HNRNPC: variants seen among roughly 807,000 people sequenced by gnomAD.
The protein encoded by HNRNPC is heterogeneous nuclear ribonucleoproteins C1/C2.
Under a neutral mutation model 33.2 loss-of-function variants are expected in HNRNPC, and 3 were observed. The ratio of observed to expected loss-of-function variants is 0.09; its 90% confidence interval spans 0.04 to 0.23. The LOEUF is 0.23. Among genes scored for constraint, HNRNPC ranks in the 10% least tolerant of loss-of-function variants. The probability of loss-of-function intolerance (pLI) is 1.00; values close to 1 mark genes in which losing one functional copy is unlikely to be tolerated. For missense variants in HNRNPC, 143 were observed against 366.7 expected (o/e 0.39, Z 4.98); for synonymous variants, 121 against 126.7 (o/e 0.96, Z 0.30).
At chr14:21,226,617 G>A (rs942440625) in intron 5 of HNRNPC, among the ~76,000 whole-genome samples, 19 of 152,194 alleles carry the variant, frequency 1.2e-4, no homozygotes, top group South Asian at 6.2e-4. Context: ...AGCACTTTGC[G>A]TGGCCAAGGC....
At chr14:21,260,960 C>CAAAAAAA (rs71112564) in intron 2 of HNRNPC, among the ~76,000 whole-genome samples, 1 of 88,520 alleles carries the variant, frequency 1.1e-5, no homozygotes, top group African/African-American at 4.2e-5. Context: ...GAGACTGTCT[C>CAAAAAAA]AAAAAAAAAA....
chr14:21,245,082 CTCAA>C (rs1566628641), intron 2 of HNRNPC, among the ~76,000 whole-genome samples: 1 of 82,356 alleles, frequency 1.2e-5, no homozygotes, highest in Non-Finnish European at 2.2e-5. Context: ...GAGACTCCAT[CTCAA>C]AAAAAAAAAA....
At chr14:21,249,427 A>T (rs1424317468) in intron 2 of HNRNPC, among the ~76,000 whole-genome samples, 1 of 151,296 alleles carries the variant, frequency 6.6e-6, no homozygotes, top group African/African-American at 2.4e-5. Flanking sequence ...ATACAAAAAA[A>T]AAAAAAAAAA....
chr14:21,211,989 T>C (rs1036778022), intron 6 of HNRNPC, 66 bp from the exon 7 acceptor site: 2 of 1,233,578 alleles, frequency 1.6e-6, no homozygotes, highest in Non-Finnish European at 1.2e-6. Flanking sequence ...GCAAATACAC[T>C]GCCACCAGAC....
chr14:21,234,303 TCA>T, intron 2 of HNRNPC, 74 bp from the exon 3 acceptor site: 1 of 1,305,498 alleles, frequency 7.7e-7, no homozygotes, highest in East Asian at 2.4e-5. Flanking sequence ...TTCTCCACTC[TCA>T]CTCTGAATCA....
At chr14:21,228,060 T>G (rs1293351174) in intron 5 of HNRNPC, among the ~76,000 whole-genome samples, 3 of 152,210 alleles carry the variant, frequency 2.0e-5, no homozygotes, top group African/African-American at 4.8e-5. Context: ...AGACCAGTTG[T>G]GTAAGAATCC....
chr14:21,247,082 G>GGT (rs1278702078), intron 2 of HNRNPC, among the ~76,000 whole-genome samples: 1 of 152,118 alleles, frequency 6.6e-6, no homozygotes, highest in Non-Finnish European at 1.5e-5. Flanking sequence ...TTTTTGAGGG[G>GGT]GTGCTGGCAG....
At position 21,210,877 on chromosome 14, in the gene HNRNPC, T is replaced by C. The variant is rs1891519519; in HGVS notation, c.*346A>G. 2 of 262,046 alleles carry C rather than the reference T, an allele frequency of 7.6e-6. No homozygotes were observed. The highest frequency in any genetic ancestry group is 1.5e-5 in the Non-Finnish European group (2 of 135,782). 16.2% of individuals were successfully genotyped at this position (262,046 alleles called of 1,614,324 possible). ...GTTAGGGAAGCAACTACTGAACTTA[T>C]GTATGAATGAAAAGAACTGTACTCC... On this transcript the variant is annotated 3_prime_UTR_variant, in exon 9 of 9. Transcript: ENST00000553300.
rs952523321 is a variant in HNRNPC at position 21,210,883 on chromosome 14, A to G, written c.*340T>C. The G allele has an allele frequency of 3.7e-6, 1 of 270,310 alleles. No homozygotes were observed. The highest frequency in any genetic ancestry group is 7.1e-6 in the Non-Finnish European group (1 of 141,166). The allele number at this position is 270,310 out of a possible 1,614,324, so 16.7% of individuals were successfully genotyped here. On this transcript the variant is annotated 3_prime_UTR_variant, in exon 9 of 9. Coordinates refer to ENST00000553300, the MANE Select transcript of HNRNPC (RefSeq NM_004500.4). ...GAAGCAACTACTGAACTTATGTATG[A>G]ATGAAAAGAACTGTACTCCCTGCAT... is the stretch of plus-strand genomic sequence containing the variant.
chr14:21,237,033 G>A (rs752809867), intron 2 of HNRNPC, among the ~76,000 whole-genome samples: 1 of 152,138 alleles, frequency 6.6e-6, no homozygotes, highest in Non-Finnish European at 1.5e-5. Context: ...AAAAGCAACA[G>A]GAACGAAATT....
intron 2 of HNRNPC, among the ~76,000 whole-genome samples, chr14:21,260,780 T>C (rs1878099923): frequency 5.9e-5 from 9 of 151,888 alleles, no homozygotes; most frequent in Admixed American, 5.9e-4. Flanking sequence ...CTGGCCAACA[T>C]GGTGAAACCT....
chr14:21,247,358 G>A (rs1417221176), intron 2 of HNRNPC, among the ~76,000 whole-genome samples: 1 of 152,064 alleles, frequency 6.6e-6, no homozygotes, highest in African/African-American at 2.4e-5. Context: ...TCACTGATAG[G>A]ACATAACCTC....
chr14:21,267,006 G>A (rs868745227), intron 1 of HNRNPC, among the ~76,000 whole-genome samples: 19 of 147,358 alleles, frequency 1.3e-4, no homozygotes, highest in Non-Finnish European at 2.7e-4. Flanking sequence ...CAGGAGAATC[G>A]CTTGAACCCG....
At position 21,215,971 on chromosome 14, in the gene HNRNPC, A is replaced by G. The variant is rs1050570903; in HGVS notation, c.366-2854T>C. Reference sequence around the variant, plus strand: ...GAAAAAAAAAACAACAAAACACACCAGCTGGATGCAGTGGCACACCTGTAA... The same window carrying G: ...GAAAAAAAAAACAACAAAACACACCGGCTGGATGCAGTGGCACACCTGTAA... On this transcript the variant is annotated intron_variant, in intron 5 of 8. Transcript: ENST00000553300. Among the ~76,000 whole-genome samples the G allele has an allele frequency of 4.6e-5, 7 of 151,448 alleles. No homozygotes were observed. The East Asian group carries it at 1.4e-3, about 29-fold the overall frequency.
chr14:21,217,429 T>G (rs1258945933), intron 5 of HNRNPC, among the ~76,000 whole-genome samples: 2 of 152,214 alleles, frequency 1.3e-5, no homozygotes, highest in Non-Finnish European at 2.9e-5. Flanking sequence ...GCTCATTTGC[T>G]CACCACTGGA....
chr14:21,223,726 C>A (rs1158746055), intron 5 of HNRNPC, among the ~76,000 whole-genome samples: 1 of 152,064 alleles, frequency 6.6e-6, no homozygotes, highest in Non-Finnish European at 1.5e-5. Context: ...CGAGCCTGGG[C>A]AAGAGAGCCA....
At chr14:21,215,963 A>AAC (rs1162778838) in intron 5 of HNRNPC, among the ~76,000 whole-genome samples, 2 of 151,648 alleles carry the variant, frequency 1.3e-5, no homozygotes, top group African/African-American at 4.8e-5. Flanking sequence ...AAAACAACAA[A>AAC]ACACACCAGC....
chr14:21,231,804 C>T (rs1894150666), intron 3 of HNRNPC, among the ~76,000 whole-genome samples: 1 of 152,170 alleles, frequency 6.6e-6, no homozygotes, highest in Non-Finnish European at 1.5e-5. Flanking sequence ...GTTACTATTA[C>T]AAGAGAAAAC....
At chr14:21,219,488 C>T (rs1456930664) in intron 5 of HNRNPC, among the ~76,000 whole-genome samples, 2 of 152,178 alleles carry the variant, frequency 1.3e-5, no homozygotes, top group South Asian at 2.1e-4. Context: ...CCAATGACAC[C>T]GCTAATTCAA....
Sources: allele counts gnomAD v4.1 joint callset (sites outside exome capture counted in the v4.1 genomes callset), GRCh38; gene constraint gnomAD v4.1.1; transcripts MANE v1.5; gene names NCBI Gene and HGNC (gene_info 2026-07-23, HGNC 2026-07-21).